The following ZFAND4 variants were observed in gnomAD, a reference collection of about 807,000 sequenced individuals.
ZFAND4 encodes the protein zinc finger AN1-type containing 4.
A neutral mutation model predicts 64.4 loss-of-function variants in ZFAND4; 43 were observed. The observed-to-expected ratio is 0.67, with a 90% confidence interval of 0.52 to 0.86. The LOEUF is 0.86. Ranked by LOEUF, ZFAND4 falls within the 40% of genes least tolerant of loss-of-function variation. The probability of loss-of-function intolerance (pLI) is 0.00; values close to 1 mark genes in which losing one functional copy is unlikely to be tolerated. For synonymous variants in ZFAND4, 296 were observed against 305.7 expected (o/e 0.97, Z 0.33); for missense variants, 929 against 859.8 (o/e 1.08, Z -1.01).
At chr10:45,636,457 G>T (rs1171460972) in intron 6 of ZFAND4, among the ~76,000 whole-genome samples, 1 of 152,032 alleles carries the variant, frequency 6.6e-6, no homozygotes. Context: ...CCAACATGGT[G>T]AAACCCCGTC....
intron 1 of ZFAND4, among the ~76,000 whole-genome samples, chr10:45,665,049 A>C (rs936746296): frequency 6.6e-6 from 1 of 152,228 alleles, no homozygotes; most frequent in African/African-American, 2.4e-5. Context: ...ACATACATAC[A>C]ATGGCTAATA....
chr10:45,622,203 T>C (rs1202262053), intron 8 of ZFAND4, among the ~76,000 whole-genome samples: 2 of 152,178 alleles, frequency 1.3e-5, no homozygotes, highest in Admixed American at 6.5e-5. Flanking sequence ...CTCGTATACA[T>C]GATCAAATGA....
intron 8 of ZFAND4, among the ~76,000 whole-genome samples, chr10:45,621,565 AC>A (rs2045426611): frequency 6.6e-6 from 1 of 152,048 alleles, no homozygotes; most frequent in Non-Finnish European, 1.5e-5. Flanking sequence ...ACACAGTGAA[AC>A]CCCGTTTCTA....
chr10:45,618,134 A>G lies in ZFAND4; in HGVS notation c.2048+6T>C. On this transcript the variant is annotated splice_donor_region_variant and intron_variant, in intron 9 of 9. Coordinates refer to ENST00000344646, the MANE Select transcript of ZFAND4 (RefSeq NM_174890.4). ...GCATCTGAGCTTCTCCAGCTCGCCA[A>G]CCTGCCTGCATTCGTAGCTACTAGC... The G allele has an allele frequency of 6.2e-7, 1 of 1,604,948 alleles. No individual in the cohort carries two copies.
At chr10:45,627,539 A>G (rs1433391214) in intron 6 of ZFAND4, among the ~76,000 whole-genome samples, 1 of 152,172 alleles carries the variant, frequency 6.6e-6, no homozygotes, top group African/African-American at 2.4e-5. Context: ...CCTTGAAAAG[A>G]CTTGCTGGCA....
chr10:45,661,712 A>C (rs1157310092), intron 2 of ZFAND4, among the ~76,000 whole-genome samples: 1 of 152,114 alleles, frequency 6.6e-6, no homozygotes, highest in Non-Finnish European at 1.5e-5. Flanking sequence ...AGGCCGAGGC[A>C]GGTGGATCAC....
chr10:45,635,229 CA>C (rs1216684562), intron 6 of ZFAND4, among the ~76,000 whole-genome samples: 3 of 110,044 alleles, frequency 2.7e-5, no homozygotes, highest in Non-Finnish European at 3.7e-5. Context: ...AAAAAACAAA[CA>C]AAAAAAAACT....
At chr10:45,665,550 A>AG (rs1379111935) in intron 1 of ZFAND4, among the ~76,000 whole-genome samples, 37 of 152,048 alleles carry the variant, frequency 2.4e-4, no homozygotes, top group Non-Finnish European at 4.6e-4. Context: ...TTAAATAAGA[A>AG]AAAAAAAGCT....
intron 8 of ZFAND4, among the ~76,000 whole-genome samples, chr10:45,619,416 A>C (rs1589229170): frequency 6.6e-6 from 1 of 152,166 alleles, no homozygotes; most frequent in South Asian, 2.1e-4. Flanking sequence ...CCCAGTCATA[A>C]GCAGAGAGGC....
intron 2 of ZFAND4, among the ~76,000 whole-genome samples, chr10:45,660,621 A>C (rs1324169194): frequency 6.6e-6 from 1 of 152,204 alleles, no homozygotes; most frequent in Non-Finnish European, 1.5e-5. Flanking sequence ...ATATTATATC[A>C]AACTGTAGAA....
chr10:45,622,662 G>T lies in ZFAND4; in HGVS notation c.1927+1921C>A, dbSNP rs139029021. On this transcript the variant is annotated intron_variant, in intron 8 of 9. Coordinates refer to ENST00000344646, the MANE Select transcript of ZFAND4 (RefSeq NM_174890.4). ...ATTTCACTTCCTGAAAGTCAGGGTT[G>T]GCTTGTGAAAAGTTGTTAAACAACA... 4.3e-3 allele frequency among the ~76,000 whole-genome samples: 651 copies of T among 152,248 alleles called. 5 individuals are homozygous for T. The highest frequency in any genetic ancestry group is 0.015 in the African/African-American group (620 of 41,554).
At chr10:45,635,200 AAAAAAAAAAAAAACAAAAAAAAAACAAAC>A (rs992729986) in intron 6 of ZFAND4, among the ~76,000 whole-genome samples, 50 of 144,904 alleles carry the variant, frequency 3.5e-4, no homozygotes, top group Non-Finnish European at 6.2e-4. Context: ...CTAAGCAAAA[AAAAAAAAAAAAAACAAAAAAAAAACAAAC>A]AAAAAAAAAC....
intron 2 of ZFAND4, among the ~76,000 whole-genome samples, chr10:45,656,615 G>A (rs532428743): frequency 1.3e-5 from 2 of 148,944 alleles, no homozygotes; most frequent in South Asian, 2.1e-4. Flanking sequence ...ACAAGAAAAC[G>A]ACAAAAATTT....
rs777869634 is a variant in ZFAND4, at chr10:45,625,969, T to A, written c.1854A>T (p.Glu618Asp). Residue 618 changes from glutamate (E) to aspartate (D), a missense_variant, in exon 7 of 10, where the codon GAA becomes GAT. Transcript: ENST00000344646. ...ENFRKSSPQL[E>D]HTGVFLSTHG... Reference sequence around the variant, plus strand: ...TACTGACCAAAAAAACTCCTGTATGTTCTAACTGGGGAGAACTTTTCCTAA... The same window carrying A: ...TACTGACCAAAAAAACTCCTGTATGATCTAACTGGGGAGAACTTTTCCTAA... 23 of 1,613,932 alleles carry A rather than the reference T, an allele frequency of 1.4e-5. No individual in the cohort carries two copies. In the South Asian group the frequency reaches 2.5e-4, roughly 18 times the overall value.
At chr10:45,667,445 T>C (rs1454465118) in intron 1 of ZFAND4, among the ~76,000 whole-genome samples, 1 of 148,654 alleles carries the variant, frequency 6.7e-6, no homozygotes, top group African/African-American at 2.5e-5. Context: ...CTAATCTATA[T>C]GCTCTTTTCT....
chr10:45,664,441 G>C (rs1189321406), intron 1 of ZFAND4, among the ~76,000 whole-genome samples: 1 of 151,562 alleles, frequency 6.6e-6, no homozygotes, highest in Non-Finnish European at 1.5e-5. Context: ...GCAGATTTTT[G>C]TATTTTTAGT....
chr10:45,648,836 T>A (rs1262753017), intron 4 of ZFAND4: 1 of 689,394 alleles, frequency 1.5e-6, no homozygotes, highest in Non-Finnish European at 1.8e-6. Context: ...CCTATGTCAC[T>A]AGAGTCTGTG....
At chr10:45,632,740 T>C (rs1031516863) in intron 6 of ZFAND4, among the ~76,000 whole-genome samples, 5 of 152,088 alleles carry the variant, frequency 3.3e-5, no homozygotes, top group African/African-American at 1.2e-4. Flanking sequence ...AGAAGGAAAC[T>C]GTAAGTATAA....
At chr10:45,636,517 G>A (rs141211595) in intron 6 of ZFAND4, among the ~76,000 whole-genome samples, 270 of 151,968 alleles carry the variant, frequency 1.8e-3, no homozygotes, top group Middle Eastern at 6.8e-3. Context: ...TGAGCCTGTC[G>A]TCCCAGCTAC....
Sources: gnomAD v4.1 joint callset for allele counts (sites outside exome capture counted in the v4.1 genomes callset) on GRCh38, gnomAD v4.1.1 for gene constraint, MANE v1.5 for transcripts, NCBI Gene and HGNC (gene_info 2026-07-23, HGNC 2026-07-21) for gene names.